Variants in MPP7 observed in about 807,000 individuals in gnomAD.
MPP7 encodes the protein MAGUK p55 subfamily member 7.
MPP7 carries 60 observed loss-of-function variants against 76.5 expected under a neutral mutation model. The observed-to-expected ratio is 0.78, with a 90% confidence interval of 0.64 to 0.97. The LOEUF (loss-of-function observed/expected upper bound fraction) is 0.97, where lower values mean the gene tolerates loss of function less well. MPP7 is among the 50% of genes least tolerant of loss of function. The probability of loss-of-function intolerance (pLI) is 0.00; values close to 1 mark genes in which losing one functional copy is unlikely to be tolerated. For synonymous variants in MPP7, 237 were observed against 244.5 expected (o/e 0.97, Z 0.29); for missense variants, 641 against 694.0 (o/e 0.92, Z 0.86).
intron 5 of MPP7, among the ~76,000 whole-genome samples, chr10:28,134,101 A>G (rs928399286): frequency 1.4e-4 from 21 of 152,226 alleles, no homozygotes; most frequent in African/African-American, 4.1e-4. Context: ...GATATATAGT[A>G]AGCCCATTCA....
chr10:28,129,750 T>G (rs1317050067), intron 6 of MPP7, among the ~76,000 whole-genome samples: 1 of 152,112 alleles, frequency 6.6e-6, no homozygotes, highest in African/African-American at 2.4e-5. Flanking sequence ...GAGACGCTTT[T>G]TAAAATCAAG....
chr10:28,171,708 A>G (rs971255368), intron 3 of MPP7, among the ~76,000 whole-genome samples: 4 of 152,232 alleles, frequency 2.6e-5, no homozygotes, highest in Admixed American at 6.5e-5. Flanking sequence ...CCTCAGATAA[A>G]CAAATCAAGG....
chr10:28,246,825 A>G (rs910413101), intron 1 of MPP7, among the ~76,000 whole-genome samples: 1 of 152,098 alleles, frequency 6.6e-6, no homozygotes, highest in African/African-American at 2.4e-5. Context: ...TTGGATTACA[A>G]TTCAAGATGA....
At chr10:28,310,253 C>T (rs1249659960) in intron 2 of MPP7, among the ~76,000 whole-genome samples, 8 of 152,110 alleles carry the variant, frequency 5.3e-5, no homozygotes, top group Admixed American at 1.3e-4. Context: ...CAGCCCACAT[C>T]GGCCTCCCAA....
At chr10:28,103,052 G>A (rs926247179) in intron 11 of MPP7, among the ~76,000 whole-genome samples, 2 of 152,174 alleles carry the variant, frequency 1.3e-5, no homozygotes, top group African/African-American at 4.8e-5. Flanking sequence ...TGGTCACTCT[G>A]GTCTCTTGAC....
chr10:28,076,600 A>G (rs1481016661), intron 12 of MPP7, among the ~76,000 whole-genome samples: 1 of 152,118 alleles, frequency 6.6e-6, no homozygotes, highest in African/African-American at 2.4e-5. Flanking sequence ...ATCCAAATAG[A>G]GGCCAGGCCA....
chr10:28,325,704 C>T (rs1834405774), intron 2 of MPP7, among the ~76,000 whole-genome samples: 1 of 151,822 alleles, frequency 6.6e-6, no homozygotes, highest in Non-Finnish European at 1.5e-5. Flanking sequence ...ATGTTGGCCA[C>T]ACTGGTCTCA....
intron 11 of MPP7, among the ~76,000 whole-genome samples, chr10:28,098,591 GAACC>G (rs915792247): frequency 2.6e-5 from 4 of 151,480 alleles, no homozygotes; most frequent in Non-Finnish European, 5.9e-5. Flanking sequence ...AAAAATATAT[GAACC>G]AACAACAAAT....
chr10:28,239,337 G>A (rs1302603850), intron 1 of MPP7, among the ~76,000 whole-genome samples: 3 of 151,564 alleles, frequency 2.0e-5, no homozygotes, highest in Admixed American at 6.6e-5. Context: ...ATAGAGACGG[G>A]GGTTTCACCA....
At chr10:28,185,929 G>A (rs1175666473) in intron 3 of MPP7, among the ~76,000 whole-genome samples, 1 of 152,144 alleles carries the variant, frequency 6.6e-6, no homozygotes, top group Non-Finnish European at 1.5e-5. Flanking sequence ...CACAAGAAGT[G>A]TGAACTAGCC....
Position 28,053,074 on chromosome 10 carries a change from GAA to G in MPP7, c.*989_*990del, listed in dbSNP as rs1588700792. Reference sequence around the variant, plus strand: ...TGATGACAAAGAAATAACATCACATGAAAAGTTTTCTAAAATAAATCTTAGAG... The same window carrying G: ...TGATGACAAAGAAATAACATCACATGAAGTTTTCTAAAATAAATCTTAGAG... On this transcript the variant is annotated 3_prime_UTR_variant, in exon 17 of 17. Transcript: ENST00000683449. The G allele has an allele frequency of 6.6e-6, 1 of 152,136 alleles. No homozygotes were observed. The highest frequency in any genetic ancestry group is 6.5e-5 in the Admixed American group (1 of 15,288). The allele number at this position is 152,136 out of a possible 1,614,324, so 9.4% of individuals were successfully genotyped here. A position where few individuals can be genotyped will look rare whatever the true frequency, so the allele number is the denominator to read the frequency against.
chr10:28,233,530 A>C (rs867033363), intron 2 of MPP7, among the ~76,000 whole-genome samples: 4 of 150,160 alleles, frequency 2.7e-5, no homozygotes, highest in Middle Eastern at 3.2e-3. Flanking sequence ...AACACAATGA[A>C]ACCCCGTCTC....
At chr10:28,285,318 G>A (rs61845938) in intron 1 of MPP7, among the ~76,000 whole-genome samples, 11,665 of 152,178 alleles carry the variant, frequency 0.077, 548 homozygotes, top group Non-Finnish European at 0.11. Flanking sequence ...CCCAGTAACT[G>A]GGATTACAGG....
At chr10:28,182,194 A>AGTAG (rs1554847373) in intron 3 of MPP7, among the ~76,000 whole-genome samples, 1 of 151,364 alleles carries the variant, frequency 6.6e-6, no homozygotes. Context: ...CAAAAAAAAT[A>AGTAG]GCAAAGGATA....
chr10:28,248,331 T>TG (rs997161480), intron 1 of MPP7, among the ~76,000 whole-genome samples: 2 of 152,150 alleles, frequency 1.3e-5, no homozygotes, highest in African/African-American at 4.8e-5. Flanking sequence ...GGAAGCCAGC[T>TG]GTCAGCCACT....
At position 28,079,470 on chromosome 10, in the gene MPP7, T is replaced by C. The variant is rs756783630; in HGVS notation, c.1124-9618A>G. On this transcript the variant is annotated intron_variant, in intron 12 of 16. Coordinates refer to ENST00000683449, the MANE Select transcript of MPP7 (RefSeq NM_001318170.2). ...GAGTTTGAGTCCAGCCTGGGCAACA[T>C]AGCAAGATCCTCTCTAAAAAACAAA... Among the ~76,000 whole-genome samples, 68 of 151,768 alleles carry C rather than the reference T, an allele frequency of 4.5e-4. 1 individual carries two copies. The highest frequency in any genetic ancestry group is 1.4e-3 in the African/African-American group (59 of 41,378).
intron 1 of MPP7, among the ~76,000 whole-genome samples, chr10:28,240,492 T>C (rs1050112669): frequency 7.9e-5 from 12 of 152,164 alleles, no homozygotes; most frequent in Non-Finnish European, 1.5e-4. Flanking sequence ...CTTTATGTTA[T>C]TGCAAAGGCT....
intron 1 of MPP7, among the ~76,000 whole-genome samples, chr10:28,247,643 T>C (rs1197649164): frequency 1.3e-5 from 2 of 152,230 alleles, no homozygotes; most frequent in Non-Finnish European, 2.9e-5. Context: ...TCCATTCTTC[T>C]AGCATATTCA....
intron 8 of MPP7, among the ~76,000 whole-genome samples, chr10:28,121,513 T>C (rs564943596): frequency 6.6e-6 from 1 of 152,276 alleles, no homozygotes; most frequent in African/African-American, 2.4e-5. Flanking sequence ...GAGTATCTAT[T>C]CTAACTTCAT....
Sources: gnomAD v4.1 joint callset for allele counts (sites outside exome capture counted in the v4.1 genomes callset) on GRCh38, gnomAD v4.1.1 for gene constraint, MANE v1.5 for transcripts, NCBI Gene and HGNC (gene_info 2026-07-23, HGNC 2026-07-21) for gene names.